MEGF11: variants seen among roughly 807,000 people sequenced by gnomAD.
The protein encoded by MEGF11 is multiple EGF like domains 11.
MEGF11 carries 126 observed loss-of-function variants against 146.6 expected under a neutral mutation model. The observed-to-expected ratio is 0.86, with a 90% CI of 0.74 to 1.00. The LOEUF is 1.00. Ranked by LOEUF, MEGF11 falls within the 50% of genes least tolerant of loss-of-function variation. The pLI is 0.00. For synonymous variants in MEGF11, 532 were observed against 583.4 expected, an observed-to-expected ratio of 0.91 and a Z score of 1.27; for missense variants, 1,509 against 1,521.2, an observed-to-expected ratio of 0.99 and a Z score of 0.13.
At chr15:65,924,873 C>T (rs1416431920) in intron 13 of MEGF11, among the ~76,000 whole-genome samples, 1 of 152,158 alleles carries the variant, frequency 6.6e-6, no homozygotes, top group Non-Finnish European at 1.5e-5. Flanking sequence ...AAGTGATCCG[C>T]CCGCCTCAGC....
At chr15:66,147,990 T>C (rs998566105) in intron 1 of MEGF11, among the ~76,000 whole-genome samples, 2 of 152,092 alleles carry the variant, frequency 1.3e-5, no homozygotes, top group Non-Finnish European at 2.9e-5. Flanking sequence ...ATAGGAAGAA[T>C]GCATGGGAGC....
At chr15:66,077,209 C>T (rs1457527590) in intron 5 of MEGF11, among the ~76,000 whole-genome samples, 2 of 152,234 alleles carry the variant, frequency 1.3e-5, no homozygotes, top group African/African-American at 4.8e-5. Flanking sequence ...CTGACCTGCT[C>T]AGCACTGGCA....
At chr15:66,016,226 C>T (rs906171109) in intron 5 of MEGF11, among the ~76,000 whole-genome samples, 1 of 151,910 alleles carries the variant, frequency 6.6e-6, no homozygotes, top group African/African-American at 2.4e-5. Flanking sequence ...TATTTTCTTT[C>T]AATGATCAAT....
intron 1 of MEGF11, among the ~76,000 whole-genome samples, chr15:66,165,233 C>T (rs1170284335): frequency 5.3e-5 from 8 of 152,198 alleles, no homozygotes. Context: ...CCTGCTTCCA[C>T]CACCCCAAAA....
At chr15:65,984,980 G>A (rs964844077) in intron 5 of MEGF11, among the ~76,000 whole-genome samples, 1 of 151,926 alleles carries the variant, frequency 6.6e-6, no homozygotes, top group Non-Finnish European at 1.5e-5. Flanking sequence ...TGTTGGCCGG[G>A]TTGGTCTCAA....
intron 5 of MEGF11, among the ~76,000 whole-genome samples, chr15:66,048,169 T>C (rs950538526): frequency 1.3e-5 from 2 of 152,120 alleles, no homozygotes; most frequent in African/African-American, 2.4e-5. Flanking sequence ...TGCTCTTGAA[T>C]TCCTGACCCC....
intron 10 of MEGF11, among the ~76,000 whole-genome samples, chr15:65,954,029 A>G (rs2080492432): frequency 6.6e-6 from 1 of 152,070 alleles, no homozygotes; most frequent in South Asian, 2.1e-4. Context: ...ATCCACTGTC[A>G]TGGGGGATAC....
At chr15:66,040,669 G>A (rs990139825) in intron 5 of MEGF11, among the ~76,000 whole-genome samples, 1 of 152,178 alleles carries the variant, frequency 6.6e-6, no homozygotes, top group East Asian at 1.9e-4. Flanking sequence ...AGTGGATGAG[G>A]AGAGGAGTGG....
intron 20 of MEGF11, chr15:65,912,474 T>G (rs2078844990): frequency 3.7e-6 from 1 of 266,812 alleles, no homozygotes; most frequent in Non-Finnish European, 7.0e-6. Flanking sequence ...GGAGCCTGGA[T>G]GGGGCATGTT....
At chr15:65,976,979 C>T (rs1001466930) in intron 7 of MEGF11, among the ~76,000 whole-genome samples, 1 of 152,018 alleles carries the variant, frequency 6.6e-6, no homozygotes, top group Non-Finnish European at 1.5e-5. Context: ...ACCGTCCTGT[C>T]TAACACGGTG....
chr15:66,112,624 T>C (rs868761446), intron 4 of MEGF11, among the ~76,000 whole-genome samples: 20 of 152,276 alleles, frequency 1.3e-4, no homozygotes, highest in African/African-American at 4.8e-4. Context: ...AGCTCAAAGA[T>C]GATATATACC....
At chr15:66,068,072 CAAGT>C (rs1054996793) in intron 5 of MEGF11, among the ~76,000 whole-genome samples, 2 of 152,032 alleles carry the variant, frequency 1.3e-5, no homozygotes, top group African/African-American at 2.4e-5. Flanking sequence ...TGTTGAGGAT[CAAGT>C]AAGCTAGTTC....
chr15:66,065,052 A>G (rs1033691954), intron 5 of MEGF11, among the ~76,000 whole-genome samples: 1 of 152,158 alleles, frequency 6.6e-6, no homozygotes, highest in Middle Eastern at 3.2e-3. Flanking sequence ...CCTTGTGTCC[A>G]TAGAGACCCA....
chr15:65,897,922 A>G lies in MEGF11; in HGVS notation c.*12T>C, dbSNP rs368219084. On this transcript the variant is annotated 3_prime_UTR_variant, in exon 26 of 26. Coordinates refer to ENST00000395614, the MANE Select transcript of MEGF11 (RefSeq NM_001385028.1). ...TCAGTAGAGCACACTGCAAGAGAGA[A>G]GCTTATCCCTCTTAAGATTGCTTGT... 5.6e-6 allele frequency: 9 copies of G among 1,611,408 alleles called. No individual in the cohort carries two copies. Among genetic ancestry groups the G allele is most frequent in the Admixed American group, 3.3e-5 (2 of 59,786 alleles).
chr15:66,226,742 TG>T (rs977951956), intron 1 of MEGF11, among the ~76,000 whole-genome samples: 1 of 151,770 alleles, frequency 6.6e-6, no homozygotes, highest in Non-Finnish European at 1.5e-5. Flanking sequence ...CAGCATCCAC[TG>T]GGGGGGCTTG....
At chr15:66,168,641 T>G (rs1407489322) in intron 1 of MEGF11, among the ~76,000 whole-genome samples, 1 of 152,200 alleles carries the variant, frequency 6.6e-6, no homozygotes, top group Non-Finnish European at 1.5e-5. Flanking sequence ...GAAGGAATAA[T>G]CTGATACCAT....
At chr15:66,061,546 C>T (rs2084907129) in intron 5 of MEGF11, among the ~76,000 whole-genome samples, 1 of 152,012 alleles carries the variant, frequency 6.6e-6, no homozygotes, top group Non-Finnish European at 1.5e-5. Context: ...TCATGACCTA[C>T]TCAATAAGAT....
intron 5 of MEGF11, among the ~76,000 whole-genome samples, chr15:66,014,059 C>T (rs2082799509): frequency 6.6e-6 from 1 of 152,022 alleles, no homozygotes; most frequent in Non-Finnish European, 1.5e-5. Context: ...TGAGGAGAGG[C>T]CAGAGGAAAC....
intron 1 of MEGF11, among the ~76,000 whole-genome samples, chr15:66,142,103 C>T (rs2141008750): frequency 6.6e-6 from 1 of 152,294 alleles, no homozygotes; most frequent in African/African-American, 2.4e-5. Flanking sequence ...ACACAACAGG[C>T]CAGTTCCCCA....
Sources: gnomAD v4.1 joint callset for allele counts (sites outside exome capture counted in the v4.1 genomes callset) on GRCh38, gnomAD v4.1.1 for gene constraint, MANE v1.5 for transcripts, NCBI Gene and HGNC (gene_info 2026-07-23, HGNC 2026-07-21) for gene names.